Variants in FKBP5 observed in about 807,000 individuals in gnomAD.
The protein encoded by FKBP5 is peptidyl-prolyl cis-trans isomerase FKBP5.
In FKBP5, 23 loss-of-function variants were observed where a neutral mutation model predicts 50.5. That is an observed-to-expected ratio of 0.46 (90% CI 0.33 to 0.65). The LOEUF is 0.65. Ranked by LOEUF, FKBP5 falls within the 30% of genes least tolerant of loss-of-function variation. The probability of loss-of-function intolerance (pLI) is 0.02; values close to 1 mark genes in which losing one functional copy is unlikely to be tolerated. For missense variants in FKBP5, 411 were observed against 553.1 expected (o/e 0.74, Z 2.58); for synonymous variants, 176 against 190.6 (o/e 0.92, Z 0.63).
chr6:35,616,171 C>T (rs769343362), intron 5 of FKBP5, among the ~76,000 whole-genome samples: 4 of 151,810 alleles, frequency 2.6e-5, no homozygotes, highest in East Asian at 3.9e-4. Context: ...AAAAATTAGT[C>T]GGGCATGGTG....
intron 8 of FKBP5, chr6:35,583,651 A>G: frequency 4.5e-6 from 4 of 891,812 alleles, no homozygotes; most frequent in Non-Finnish European, 5.4e-6. Context: ...TGCTACTGGC[A>G]TCTAATGGGC....
intron 10 of FKBP5, 49 bp from the exon 11 acceptor site, chr6:35,575,991 A>ATAAT: frequency 7.6e-7 from 1 of 1,312,018 alleles, no homozygotes; most frequent in Non-Finnish European, 1.1e-6. Flanking sequence ...AAGAAGTGAA[A>ATAAT]TAATTCCTGG....
At chr6:35,696,678 T>A (rs762778661) in intron 2 of FKBP5, among the ~76,000 whole-genome samples, 11 of 152,204 alleles carry the variant, frequency 7.2e-5, no homozygotes, top group Non-Finnish European at 1.5e-4. Context: ...CTGAGATGAC[T>A]ATTTTATAGA....
chr6:35,705,293 G>A (rs1247135753), intron 2 of FKBP5, among the ~76,000 whole-genome samples: 37 of 98,996 alleles, frequency 3.7e-4, no homozygotes, highest in African/African-American at 1.5e-3. Context: ...TGGAGACAGT[G>A]TCTCACTCTG....
At chr6:35,726,576 A>ACT (rs1766716906) in intron 1 of FKBP5, among the ~76,000 whole-genome samples, 1 of 145,224 alleles carries the variant, frequency 6.9e-6, no homozygotes, top group African/African-American at 2.6e-5. Context: ...ACACACACAC[A>ACT]CACACAGCTC....
chr6:35,622,498 G>A (rs113805447), intron 3 of FKBP5, among the ~76,000 whole-genome samples: 11,009 of 150,872 alleles, frequency 0.073, 792 homozygotes, highest in African/African-American at 0.2. Flanking sequence ...GTGACAGAGC[G>A]AGACCCTGTC....
intron 3 of FKBP5, among the ~76,000 whole-genome samples, chr6:35,625,400 T>G (rs1464098391): frequency 6.6e-6 from 1 of 151,120 alleles, no homozygotes; most frequent in Non-Finnish European, 1.5e-5. Flanking sequence ...AGCATAAACA[T>G]TTTAAAGATT....
intron 1 of FKBP5, among the ~76,000 whole-genome samples, chr6:35,723,831 C>T (rs955639289): frequency 6.6e-6 from 1 of 152,210 alleles, no homozygotes; most frequent in Non-Finnish European, 1.5e-5. Flanking sequence ...GGTGATAGGG[C>T]TGAGTGAAAG....
At chr6:35,600,449 T>C (rs143282888) in intron 5 of FKBP5, among the ~76,000 whole-genome samples, 358 of 152,070 alleles carry the variant, frequency 2.4e-3, no homozygotes, top group African/African-American at 7.8e-3. Flanking sequence ...GGAGTAAAAA[T>C]TGATATTTCT....
chr6:35,644,860 A>C (rs1421497705), intron 1 of FKBP5, among the ~76,000 whole-genome samples: 1 of 152,216 alleles, frequency 6.6e-6, no homozygotes, highest in Non-Finnish European at 1.5e-5. Flanking sequence ...GGGAAAATAT[A>C]TGCACACAAA....
chr6:35,688,113 G>C (rs1765886929), intron 1 of FKBP5, among the ~76,000 whole-genome samples: 1 of 152,254 alleles, frequency 6.6e-6, no homozygotes, highest in South Asian at 2.1e-4. Flanking sequence ...GGCGCTGCGC[G>C]GACTCCTCCA....
chr6:35,597,887 CTTCT>C (rs1279942458), intron 5 of FKBP5, among the ~76,000 whole-genome samples: 2 of 152,184 alleles, frequency 1.3e-5, no homozygotes, highest in African/African-American at 2.4e-5. Context: ...GATGCTCCTT[CTTCT>C]TTAAGAGTCC....
chr6:35,700,144 G>T (rs1766153846), intron 2 of FKBP5, among the ~76,000 whole-genome samples: 1 of 152,084 alleles, frequency 6.6e-6, no homozygotes, highest in African/African-American at 2.4e-5. Context: ...GCTGCTATGT[G>T]CCTGCCACTT....
rs138645077 is a variant in FKBP5, at chr6:35,637,126, C to T, written c.138G>A (p.Thr46=). The T allele has an allele frequency of 7.5e-6, 12 of 1,609,382 alleles. No individual in the cohort carries two copies. Among genetic ancestry groups the T allele is most frequent in the South Asian group, 1.1e-5 (1 of 89,698 alleles). The change falls in exon 3 of 11, where the codon ACG becomes ACA. Residue 46 remains threonine (T), a synonymous_variant. Coordinates refer to ENST00000357266, the MANE Select transcript of FKBP5 (RefSeq NM_004117.4). ...CATAAACTTTGTCTCCAATCATCGG[C>T]GTTTCCTCACCATTCCCCACTCTTT... The part of the protein sequence containing the change: ...IVKRVGNGEE[T]PMIGDKVYVH...
chr6:35,579,957 G>T, intron 9 of FKBP5, 79 bp downstream of exon 9: 3 of 1,101,790 alleles, frequency 2.7e-6, no homozygotes, highest in Non-Finnish European at 3.9e-6. Flanking sequence ...GCAACCTTTG[G>T]CTGAGAGGAA....
At chr6:35,714,169 C>T (rs536427446) in intron 2 of FKBP5, among the ~76,000 whole-genome samples, 7 of 148,852 alleles carry the variant, frequency 4.7e-5, no homozygotes, top group East Asian at 4.0e-4. Context: ...AAATCTTAGG[C>T]GGCCAGGCAC....
intron 3 of FKBP5, among the ~76,000 whole-genome samples, chr6:35,624,845 C>T (rs1763948793): frequency 6.6e-6 from 1 of 152,192 alleles, no homozygotes; most frequent in Non-Finnish European, 1.5e-5. Flanking sequence ...AAGTAATGAA[C>T]CAACGTGTTC....
At chr6:35,662,665 A>G (rs1419227078) in intron 1 of FKBP5, among the ~76,000 whole-genome samples, 2 of 152,172 alleles carry the variant, frequency 1.3e-5, no homozygotes, top group Non-Finnish European at 2.9e-5. Context: ...ATATAAATAT[A>G]TAAGAGAACA....
intron 2 of FKBP5, among the ~76,000 whole-genome samples, chr6:35,699,743 C>T (rs1481137229): frequency 6.6e-6 from 1 of 152,072 alleles, no homozygotes; most frequent in East Asian, 1.9e-4. Context: ...TTATAATTGA[C>T]ACTTACTAAA....
Sources: allele counts gnomAD v4.1 joint callset (sites outside exome capture counted in the v4.1 genomes callset), GRCh38; gene constraint gnomAD v4.1.1; transcripts MANE v1.5; gene names NCBI Gene and HGNC (gene_info 2026-07-23, HGNC 2026-07-21).